NSMCE2: variants seen among roughly 807,000 people sequenced by gnomAD.
NSMCE2 encodes the protein E3 SUMO-protein ligase NSE2.
Under a neutral mutation model 23.8 loss-of-function variants are expected in NSMCE2, and 24 were observed. The ratio of observed to expected loss-of-function variants is 1.01; its 90% CI spans 0.73 to 1.42. The LOEUF is 1.42. Ranked by LOEUF, NSMCE2 falls within the 40% of genes most tolerant of loss-of-function variation. NSMCE2 has a pLI of 0.00. For synonymous variants in NSMCE2, 92 were observed against 94.1 expected (o/e 0.98, Z 0.13); for missense variants, 284 against 296.5 (o/e 0.96, Z 0.31).
At chr8:125,105,103 A>T (rs1206328017) in intron 3 of NSMCE2, among the ~76,000 whole-genome samples, 1 of 152,198 alleles carries the variant, frequency 6.6e-6, no homozygotes, top group South Asian at 2.1e-4. Context: ...TTATTGCAGT[A>T]ATTACAGTCC....
At chr8:125,207,924 C>T (rs181790121) in intron 5 of NSMCE2, among the ~76,000 whole-genome samples, 32 of 152,320 alleles carry the variant, frequency 2.1e-4, no homozygotes, top group Admixed American at 2.0e-3. Flanking sequence ...TTGGAAATCT[C>T]ACAGTGTAAC....
At chr8:125,148,069 T>C (rs140704637) in intron 3 of NSMCE2, among the ~76,000 whole-genome samples, 79 of 152,260 alleles carry the variant, frequency 5.2e-4, no homozygotes, top group African/African-American at 1.8e-3. Context: ...CTCAGTTCTT[T>C]TTAGAATTTC....
At chr8:125,320,304 GGAAGGGA>G in intron 5 of NSMCE2, among the ~76,000 whole-genome samples, 1 of 119,522 alleles carries the variant, frequency 8.4e-6, no homozygotes, top group African/African-American at 3.2e-5. Context: ...AAGGAAGGAA[GGAAGGGA>G]AGGGAAGGAA....
At chr8:125,187,184 T>TG (rs1823145746) in intron 5 of NSMCE2, among the ~76,000 whole-genome samples, 1 of 152,220 alleles carries the variant, frequency 6.6e-6, no homozygotes. Context: ...AATAGCAGCC[T>TG]ACTCTCCCTT....
At chr8:125,188,240 G>A (rs1306910257) in intron 5 of NSMCE2, among the ~76,000 whole-genome samples, 3 of 152,146 alleles carry the variant, frequency 2.0e-5, no homozygotes, top group African/African-American at 7.2e-5. Context: ...TGGCTTTTCC[G>A]TCTCCTTCAG....
At chr8:125,220,183 T>A (rs1824788398) in intron 5 of NSMCE2, among the ~76,000 whole-genome samples, 1 of 152,194 alleles carries the variant, frequency 6.6e-6, no homozygotes, top group Non-Finnish European at 1.5e-5. Context: ...GTTGATCTCA[T>A]TTGGGCAGGA....
intron 5 of NSMCE2, among the ~76,000 whole-genome samples, chr8:125,258,115 A>G (rs536086445): frequency 6.6e-5 from 10 of 152,328 alleles, no homozygotes; most frequent in Non-Finnish European, 7.3e-5. Flanking sequence ...GTCTTTTGGG[A>G]TACAGTAAGT....
At chr8:125,203,786 G>A (rs1275290806) in intron 5 of NSMCE2, among the ~76,000 whole-genome samples, 1 of 152,176 alleles carries the variant, frequency 6.6e-6, no homozygotes, top group African/African-American at 2.4e-5. Context: ...GGAGAAGATA[G>A]AGAGTAGGGT....
chr8:125,130,718 G>T (rs900901573), intron 3 of NSMCE2, among the ~76,000 whole-genome samples: 1 of 152,182 alleles, frequency 6.6e-6, no homozygotes, highest in East Asian at 1.9e-4. Context: ...TCACTTGTAT[G>T]TGTATTCATC....
chr8:125,351,605 A>G (rs1388341766), intron 5 of NSMCE2, among the ~76,000 whole-genome samples: 1 of 152,158 alleles, frequency 6.6e-6, no homozygotes, highest in East Asian at 1.9e-4. Flanking sequence ...TTGTTTTTCT[A>G]CTTATAGTTA....
chr8:125,145,840 C>T (rs992221940), intron 3 of NSMCE2, among the ~76,000 whole-genome samples: 1 of 152,096 alleles, frequency 6.6e-6, no homozygotes, highest in Admixed American at 6.6e-5. Context: ...CTGTTGCTGC[C>T]GGTGCTCTTG....
At chr8:125,174,677 A>G (rs1182535794) in intron 4 of NSMCE2, among the ~76,000 whole-genome samples, 1 of 152,222 alleles carries the variant, frequency 6.6e-6, no homozygotes, top group Non-Finnish European at 1.5e-5. Flanking sequence ...ATTCATTTTC[A>G]CAATTTTTCC....
chr8:125,363,546 G>A (rs796765776), intron 7 of NSMCE2, among the ~76,000 whole-genome samples: 35 of 123,280 alleles, frequency 2.8e-4, no homozygotes, highest in African/African-American at 7.3e-4. Context: ...GAAAGAAAGA[G>A]AGAGAGAGAG....
chr8:125,311,313 A>G (rs999483244), intron 5 of NSMCE2, among the ~76,000 whole-genome samples: 32 of 152,370 alleles, frequency 2.1e-4, no homozygotes, highest in African/African-American at 6.5e-4. Context: ...TGCTTCATTT[A>G]AAACCTAGAA....
intron 3 of NSMCE2, among the ~76,000 whole-genome samples, chr8:125,135,810 C>G (rs993193588): frequency 6.6e-6 from 1 of 152,318 alleles, no homozygotes; most frequent in South Asian, 2.1e-4. Context: ...ATTACTGATG[C>G]TTTATGATAA....
chr8:125,316,686 T>C (rs1586758415), intron 5 of NSMCE2, among the ~76,000 whole-genome samples: 1 of 62,330 alleles, frequency 1.6e-5, no homozygotes, highest in Non-Finnish European at 4.6e-5. Flanking sequence ...TTCCTTCTTA[T>C]CTTCCTTCTT....
At chr8:125,149,747 T>C (rs1477586590) in intron 3 of NSMCE2, among the ~76,000 whole-genome samples, 2 of 152,218 alleles carry the variant, frequency 1.3e-5, no homozygotes, top group Non-Finnish European at 2.9e-5. Context: ...TTCTGACTAA[T>C]ATAAATAGTT....
rs397765906 is a variant in NSMCE2 at position 125,272,716 on chromosome 8, A to ATATAAT, written c.419-84503_419-84502insTATAAT. On this transcript the variant is annotated intron_variant, in intron 5 of 7. Coordinates refer to ENST00000287437, the MANE Select transcript of NSMCE2 (RefSeq NM_173685.4). ...CTACTTGGGATATATATATATATAT[A>ATATAAT]ATATATATATATACACACACACACA... Among the ~76,000 whole-genome samples the ATATAAT allele has an allele frequency of 6.4e-5, 9 of 140,486 alleles. 1 individual carries two copies. The highest frequency in any genetic ancestry group is 2.4e-4 in the African/African-American group (9 of 37,500). 92.2% of individuals were successfully genotyped at this position (140,486 alleles called of 152,430 possible).
chr8:125,159,103 G>A (rs912604576), intron 4 of NSMCE2, among the ~76,000 whole-genome samples: 9 of 152,208 alleles, frequency 5.9e-5, no homozygotes, highest in African/African-American at 2.2e-4. Flanking sequence ...CATCACAAGA[G>A]GAAGGGTGAG....
Sources: gnomAD v4.1 joint callset for allele counts (sites outside exome capture counted in the v4.1 genomes callset) on GRCh38, gnomAD v4.1.1 for gene constraint, MANE v1.5 for transcripts, NCBI Gene and HGNC (gene_info 2026-07-23, HGNC 2026-07-21) for gene names.